DDC: variants seen among roughly 807,000 people sequenced by gnomAD.
DDC encodes dopa decarboxylase.
In DDC, 43 loss-of-function variants were observed where a neutral mutation model predicts 60.0. That is an observed-to-expected ratio of 0.72 (90% confidence interval 0.56 to 0.92). The LOEUF is 0.92. DDC is among the 40% of genes least tolerant of loss of function. DDC has a pLI of 0.00. For missense variants in DDC, 573 were observed against 620.2 expected, an observed-to-expected ratio of 0.92 and a Z score of 0.81; for synonymous variants, 232 against 234.6, an observed-to-expected ratio of 0.99 and a Z score of 0.10.
chr7:50,492,601 C>A, intron 9 of DDC: 2 of 883,278 alleles, frequency 2.3e-6, no homozygotes, highest in Admixed American at 4.4e-5. Flanking sequence ...CTAACCCCAT[C>A]ACCCTTCTCT....
intron 1 of DDC, among the ~76,000 whole-genome samples, chr7:50,562,534 C>G (rs1366689490): frequency 6.6e-6 from 1 of 152,230 alleles, no homozygotes; most frequent in Admixed American, 6.5e-5. Flanking sequence ...GCTGGACAGC[C>G]AGGCACTTCT....
At chr7:50,495,248 C>T (rs1375571790) in intron 9 of DDC, 102 bp downstream of exon 9, 10 of 829,336 alleles carry the variant, frequency 1.2e-5, no homozygotes, top group Non-Finnish European at 2.1e-5. Context: ...AAGCAGTGAG[C>T]TAAGTGACTA....
intron 6 of DDC, among the ~76,000 whole-genome samples, chr7:50,522,302 A>G (rs2043914943): frequency 6.6e-6 from 1 of 152,244 alleles, no homozygotes; most frequent in Non-Finnish European, 1.5e-5. Flanking sequence ...TATTTCACAT[A>G]CATGGATAGG....
chr7:50,504,147 C>A, intron 6 of DDC, 88 bp from the exon 7 acceptor site: 1 of 899,238 alleles, frequency 1.1e-6, no homozygotes, highest in Non-Finnish European at 1.9e-6. Context: ...CCCCATGGTC[C>A]AACCTGGGGC....
chr7:50,462,633 T>C (rs1413557118), intron 14 of DDC, among the ~76,000 whole-genome samples: 1 of 152,230 alleles, frequency 6.6e-6, no homozygotes, highest in African/African-American at 2.4e-5. Context: ...TCTCAACAAA[T>C]GCTGTTTGAA....
intron 6 of DDC, among the ~76,000 whole-genome samples, chr7:50,526,137 A>G (rs1585232002): frequency 6.6e-6 from 1 of 152,330 alleles, no homozygotes; most frequent in East Asian, 1.9e-4. Flanking sequence ...TTATCCTTGT[A>G]TCACAGTAAA....
intron 1 of DDC, among the ~76,000 whole-genome samples, chr7:50,547,209 T>C (rs897473227): frequency 8.0e-5 from 8 of 100,304 alleles, no homozygotes; most frequent in Non-Finnish European, 1.6e-4. Flanking sequence ...TTTCTTTTTC[T>C]TTTTTTTTTG....
rs566670866 is a variant in DDC at position 50,556,291 on chromosome 7, G to A, written c.-29+8994C>T. Reference sequence around the variant, plus strand: ...CAAGATTAAGGCCCCGGCAGATTTGGTATCTGGTGAGGCTTGTTTCTCATA... The same window carrying A: ...CAAGATTAAGGCCCCGGCAGATTTGATATCTGGTGAGGCTTGTTTCTCATA... On this transcript the variant is annotated intron_variant, in intron 1 of 14. Coordinates refer to ENST00000444124, the MANE Select transcript of DDC (RefSeq NM_001082971.2). Among the ~76,000 whole-genome samples the A allele has an allele frequency of 4.6e-5, 7 of 152,270 alleles. No homozygotes were observed. In the South Asian group the frequency reaches 1.5e-3, roughly 32 times the overall value.
intron 6 of DDC, among the ~76,000 whole-genome samples, chr7:50,516,854 A>C (rs1275752027): frequency 3.3e-5 from 5 of 152,164 alleles, no homozygotes; most frequent in Non-Finnish European, 7.4e-5. Flanking sequence ...TCCTGGAAAA[A>C]TACAACCCTC....
chr7:50,490,099 C>T (rs1037831982), intron 9 of DDC, among the ~76,000 whole-genome samples: 6 of 152,138 alleles, frequency 3.9e-5, no homozygotes, highest in African/African-American at 1.4e-4. Context: ...CCTGTTCTGT[C>T]ATTGGTTATT....
At chr7:50,483,294 T>C (rs909492681) in intron 9 of DDC, among the ~76,000 whole-genome samples, 3 of 152,232 alleles carry the variant, frequency 2.0e-5, no homozygotes, top group African/African-American at 7.2e-5. Context: ...ACATGGTGAC[T>C]AGCACTTTAA....
At chr7:50,523,416 C>T (rs548412692) in intron 6 of DDC, among the ~76,000 whole-genome samples, 50 of 152,190 alleles carry the variant, frequency 3.3e-4, no homozygotes, top group African/African-American at 1.2e-3. Flanking sequence ...ATTGGCAAAA[C>T]ATATATCTTG....
At chr7:50,555,871 CT>C (rs2045168402) in intron 1 of DDC, among the ~76,000 whole-genome samples, 1 of 152,176 alleles carries the variant, frequency 6.6e-6, no homozygotes, top group African/African-American at 2.4e-5. Context: ...CTGAAGGCAC[CT>C]GAGAGAATGT....
chr7:50,458,819 T>C lies in DDC; in HGVS notation c.*43A>G, dbSNP rs2042179578. ...TTTGCTTCTTATTCCAGTTTTCAGA[T>C]ATATCTCTCTTCAATTTTTGATTCC... is the stretch of plus-strand genomic sequence containing the variant. On this transcript the variant is annotated 3_prime_UTR_variant, in exon 15 of 15. Coordinates refer to ENST00000444124, the MANE Select transcript of DDC (RefSeq NM_001082971.2). 6.6e-6 allele frequency: 1 copy of C among 152,120 alleles called. No individual in the cohort carries two copies. Among genetic ancestry groups the C allele is most frequent in the South Asian group, 2.1e-4 (1 of 4,830 alleles). The allele number at this position is 152,120 out of a possible 1,614,324, so 9.4% of individuals were successfully genotyped here. A position where few individuals can be genotyped will look rare whatever the true frequency, so the allele number is the denominator to read the frequency against.
chr7:50,514,001 T>C (rs2329364), intron 6 of DDC, among the ~76,000 whole-genome samples: 139,716 of 152,204 alleles, frequency 0.92, 64,506 homozygotes, highest in Non-Finnish European at 0.98. Context: ...CACTACCTCC[T>C]GCAGAAGGCC....
chr7:50,485,181 C>T (rs1434947220), intron 9 of DDC, among the ~76,000 whole-genome samples: 3 of 152,052 alleles, frequency 2.0e-5, no homozygotes, highest in African/African-American at 4.8e-5. Context: ...ATATGCCTTT[C>T]GTGTGTATGG....
chr7:50,524,613 T>C (rs533378044), intron 6 of DDC, among the ~76,000 whole-genome samples: 8 of 152,320 alleles, frequency 5.3e-5, no homozygotes, highest in Non-Finnish European at 1.2e-4. Context: ...AGGACCATGA[T>C]AACATATTAA....
At chr7:50,500,857 C>T (rs1045324585) in intron 7 of DDC, among the ~76,000 whole-genome samples, 2 of 152,184 alleles carry the variant, frequency 1.3e-5, no homozygotes, top group African/African-American at 4.8e-5. Context: ...TGCAGTTGGC[C>T]TACAACTCCT....
intron 11 of DDC, among the ~76,000 whole-genome samples, chr7:50,474,893 A>G (rs1487288660): frequency 1.3e-5 from 2 of 151,584 alleles, no homozygotes; most frequent in African/African-American, 4.9e-5. Flanking sequence ...CCCCATTTTC[A>G]GTCTCATGCT....
Sources: allele counts gnomAD v4.1 joint callset (sites outside exome capture counted in the v4.1 genomes callset), GRCh38; gene constraint gnomAD v4.1.1; transcripts MANE v1.5; gene names NCBI Gene and HGNC (gene_info 2026-07-23, HGNC 2026-07-21).